Variants in OXA1L observed in about 807,000 individuals in gnomAD.
The protein encoded by OXA1L is OXA1L mitochondrial inner membrane insertase, also known as mitochondrial inner membrane protein OXA1L.
Under a neutral mutation model 52.2 loss-of-function variants are expected in OXA1L, and 42 were observed. The ratio of observed to expected loss-of-function variants is 0.80; its 90% CI spans 0.63 to 1.04. The LOEUF is 1.04. Among genes scored for constraint, OXA1L ranks in the 50% least tolerant of loss-of-function variants. OXA1L has a pLI of 0.00. For synonymous variants in OXA1L, 239 were observed against 201.9 expected, an observed-to-expected ratio of 1.18 and a Z score of -1.56; for missense variants, 572 against 555.0, an observed-to-expected ratio of 1.03 and a Z score of -0.31.
rs577428378 is a variant in OXA1L at position 22,766,783 on chromosome 14, A to G, written c.63+19A>G. The G allele has an allele frequency of 1.2e-6, 2 of 1,613,674 alleles. No homozygotes were observed. The highest frequency in any genetic ancestry group is 8.5e-7 in the Non-Finnish European group (1 of 1,179,958). On this transcript the variant is annotated intron_variant, in intron 1 of 9. Transcript: ENST00000612549. Reference sequence around the variant, plus strand: ...GCGTCGGGTAAGGATGCCCCGGGGCAGAGCACCGGGATGCTGCCCTGACCC... The same window carrying G: ...GCGTCGGGTAAGGATGCCCCGGGGCGGAGCACCGGGATGCTGCCCTGACCC...
intron 1 of OXA1L, 143 bp from the exon 2 acceptor site, chr14:22,767,105 C>A: frequency 6.5e-7 from 1 of 1,534,180 alleles, no homozygotes; most frequent in Non-Finnish European, 8.7e-7. Context: ...GGCTAGCGGT[C>A]TGCGCGCGGT....
chr14:22,771,251 T>C lies in OXA1L; in HGVS notation c.1103-17T>C, dbSNP rs2038458561. The stretch of plus-strand genomic sequence containing the variant: ...AAAATAGGAATGCAACTGACTCTCT[T>C]GCTTCTCTTTACACAGGCTGGAAAA... On this transcript the variant is annotated splice_polypyrimidine_tract_variant and intron_variant, in intron 8 of 9. Transcript: ENST00000612549. 7 of 1,613,562 alleles carry C rather than the reference T, an allele frequency of 4.3e-6. No homozygotes were observed. The South Asian group carries it at 5.5e-5, about 13-fold the overall frequency.
intron 3 of OXA1L, among the ~76,000 whole-genome samples, chr14:22,769,267 A>T (rs1035825846): frequency 2.6e-5 from 4 of 151,814 alleles, no homozygotes; most frequent in African/African-American, 9.7e-5. Flanking sequence ...ATTTGTTTTG[A>T]TTTTTAGATC....
At position 22,771,079 on chromosome 14, in the gene OXA1L, G is replaced by A. The variant is rs761396634; in HGVS notation, c.1001G>A (p.Arg334Gln). Residue 334 changes from arginine to glutamine, a missense_variant, in exon 8 of 10, where the codon CGG becomes CAG. Around this residue, in one of 5 missense-constraint regions of OXA1L, gnomAD observed 244 missense variants for 240.2 expected, o/e 1.02. Transcript: ENST00000612549. ...TCCCTGGTCCAAGTATCCTGTCTCC[G>A]GATTCCAGCAGTACGCACTGTACTT... Reference protein sequence around the residue: ...LFSLVQVSCLRIPAVRTVLKI... With the variant: ...LFSLVQVSCLQIPAVRTVLKI... 36 of 1,614,058 alleles carry A rather than the reference G, an allele frequency of 2.2e-5. No individual in the cohort carries two copies. The highest frequency in any genetic ancestry group is 1.2e-4 in the South Asian group (11 of 91,080).
chr14:22,767,048 C>T (rs574531420), intron 1 of OXA1L, 200 bp from the exon 2 acceptor site: 385 of 1,536,018 alleles, frequency 2.5e-4, no homozygotes, highest in Middle Eastern at 3.3e-4. Flanking sequence ...TGCGGGGAAC[C>T]CAGGTTCGAG....
At position 22,771,503 on chromosome 14, in the gene OXA1L, C is replaced by G; in HGVS notation, c.1253C>G (p.Pro418Arg). 6.5e-7 allele frequency: 1 copy of G among 1,528,138 alleles called. No individual in the cohort carries two copies. The highest frequency in any genetic ancestry group is 9.0e-7 in the Non-Finnish European group (1 of 1,107,152). 94.7% of individuals were successfully genotyped at this position (1,528,138 alleles called of 1,614,324 possible). The part of the protein sequence containing the change: ...QPGKDNPPNI[P>R]SSSSKPKSKY... ...GGAAAGGATAACCCTCCCAATATCC[C>G]TAGCAGCAGCAGCAAACCAAAGTCA... The change falls in exon 10 of 10, where the codon CCT becomes CGT. Residue 418 changes from proline to arginine, a missense_variant. Physicochemically the swap from Pro to Arg is moderately radical, Grantham distance 103. Transcript: ENST00000612549.
chr14:22,767,323 T>A lies in OXA1L; in HGVS notation c.139T>A (p.Cys47Ser). 1.2e-6 allele frequency: 2 copies of A among 1,613,774 alleles called. No homozygotes were observed. The highest frequency in any genetic ancestry group is 1.7e-6 in the Non-Finnish European group (2 of 1,179,856). Residue 47 changes from cysteine to serine, a missense_variant, in exon 2 of 10, where the codon TGC becomes AGC. Around this residue, in one of 5 missense-constraint regions of OXA1L, gnomAD observed 186 missense variants for 151.8 expected, o/e 1.23. Transcript: ENST00000612549. ...TTRLLFPAAP[C>S]CCRPHYLFLA... ...ACGGCTCCTATTCCCAGCAGCCCCG[T>A]GCTGCTGTCGCCCACACTACCTCTT...
rs2038458650 is a variant in OXA1L, at chr14:22,771,255, T to C, written c.1103-13T>C. On this transcript the variant is annotated splice_polypyrimidine_tract_variant and intron_variant, in intron 8 of 9. Coordinates refer to ENST00000612549, the MANE Select transcript of OXA1L (RefSeq NM_005015.5). ...TAGGAATGCAACTGACTCTCTTGCT[T>C]CTCTTTACACAGGCTGGAAAAATGC... 2.5e-6 allele frequency: 4 copies of C among 1,613,788 alleles called. No individual in the cohort carries two copies. The highest frequency in any genetic ancestry group is 3.4e-6 in the Non-Finnish European group (4 of 1,179,706).
rs773058015 is a variant in OXA1L at position 22,771,148 on chromosome 14, C to T, written c.1070C>T (p.Pro357Leu). Residue 357 changes from proline to leucine, a missense_variant, in exon 8 of 10, where the codon CCA becomes CTA. By Grantham distance (98) the Pro-to-Leu change is moderately conservative (BLOSUM62 -3). Around this residue, in one of 5 missense-constraint regions of OXA1L, gnomAD observed 244 missense variants for 240.2 expected, o/e 1.02. Coordinates refer to ENST00000612549, the MANE Select transcript of OXA1L (RefSeq NM_005015.5). Reference protein sequence around the residue: ...RVVHDLDKLPPREGFLESFKK... With the variant: ...RVVHDLDKLPLREGFLESFKK... Reference sequence around the variant, plus strand: ...GTACATGACCTGGACAAATTACCTCCACGGGAAGGCTTCCTAGAGAGCTTC... The same window carrying T: ...GTACATGACCTGGACAAATTACCTCTACGGGAAGGCTTCCTAGAGAGCTTC... The T allele has an allele frequency of 3.7e-6, 6 of 1,614,160 alleles. No individual in the cohort carries two copies. Among genetic ancestry groups the T allele is most frequent in the Non-Finnish European group, 2.5e-6 (3 of 1,180,014 alleles).
chr14:22,770,994 TCC>T, intron 7 of OXA1L, 22 bp from the exon 8 acceptor site: 2 of 1,614,066 alleles, frequency 1.2e-6, no homozygotes, highest in Middle Eastern at 3.3e-4. Flanking sequence ...AGCTTCTGAG[TCC>T]CTTCTCTGTG....
Position 22,772,036 on chromosome 14 carries a change from T to G in OXA1L, c.*478T>G, listed in dbSNP as rs2139377733. Reference sequence around the variant, plus strand: ...TTGCTTGAATCCGAGAGGCGGAGGTTGCAGTGAGCCAAGATCGCACCACCG... The same window carrying G: ...TTGCTTGAATCCGAGAGGCGGAGGTGGCAGTGAGCCAAGATCGCACCACCG... On this transcript the variant is annotated 3_prime_UTR_variant, in exon 10 of 10. Coordinates refer to ENST00000612549, the MANE Select transcript of OXA1L (RefSeq NM_005015.5). 1 of 158,930 alleles carries G rather than the reference T, an allele frequency of 6.3e-6. No homozygotes were observed. Among genetic ancestry groups the G allele is most frequent in the Middle Eastern group, 3.3e-3 (1 of 306 alleles). 9.8% of individuals were successfully genotyped at this position (158,930 alleles called of 1,614,324 possible). A position where few individuals can be genotyped will look rare whatever the true frequency, so the allele number is the denominator to read the frequency against.
rs373267229 is a variant in OXA1L, at chr14:22,771,297, C to T, written c.1132C>T (p.Leu378=). The T allele has an allele frequency of 2.5e-6, 4 of 1,614,072 alleles. No homozygotes were observed. In the African/African-American group the frequency reaches 5.3e-5, roughly 22 times the overall value. Residue 378 remains leucine, a synonymous_variant, in exon 9 of 10, where the codon CTG becomes TTG. Transcript: ENST00000612549. ...GAAAAATGCTGAAATGACGCGTCAG[C>T]TGCGAGAGCGTGAACAACGCATGCG... ...GWKNAEMTRQ[L]REREQRMRNQ...
Position 22,771,618 on chromosome 14 carries a change from C to CA in OXA1L, c.*62dup. 1 of 1,559,158 alleles carries CA rather than the reference C, an allele frequency of 6.4e-7. No homozygotes were observed. Among genetic ancestry groups the CA allele is most frequent in the South Asian group, 1.1e-5 (1 of 89,476 alleles). On this transcript the variant is annotated 3_prime_UTR_variant, in exon 10 of 10. Coordinates refer to ENST00000612549, the MANE Select transcript of OXA1L (RefSeq NM_005015.5). ...TCTCTTCAGAGACTCATCCTCAAAA[C>CA]AAGACTTGACACTGTGTCCTTGCCC... is the stretch of plus-strand genomic sequence containing the variant.
chr14:22,768,065 C>T lies in OXA1L; in HGVS notation c.333C>T (p.Phe111=), dbSNP rs759192930. ...DVVQTAAEQS[F]AELGLGSYTP... ...TCCAAACTGCTGCAGAGCAGAGCTTCGCTGAACTGGGGCTGGGGTCATACA... is the reference window on the plus strand; with the variant it reads ...TCCAAACTGCTGCAGAGCAGAGCTTTGCTGAACTGGGGCTGGGGTCATACA... The change falls in exon 3 of 10, where the codon TTC becomes TTT. Residue 111 remains phenylalanine (F), a synonymous_variant. Transcript: ENST00000612549. 36 of 1,614,006 alleles carry T rather than the reference C, an allele frequency of 2.2e-5. 1 individual carries two copies. Among genetic ancestry groups the T allele is most frequent in the Admixed American group, 5.0e-5 (3 of 60,004 alleles).
In OXA1L at chr14:22,771,022, T is replaced by C. The variant is rs1234563838; in HGVS notation, c.944T>C (p.Val315Ala). 1.2e-6 allele frequency: 2 copies of C among 1,614,218 alleles called. No homozygotes were observed. The highest frequency in any genetic ancestry group is 3.3e-5 in the Admixed American group (2 of 60,030). ...LPITMHFPTA[V>A]FMYWLSSNLF... The stretch of plus-strand genomic sequence containing the variant: ...CTTCTCTGTGTTCTCACCCAGGCAG[T>C]GTTTATGTACTGGCTCTCCTCCAAT... Residue 315 changes from valine to alanine, a missense_variant, in exon 8 of 10, where the codon GTG (valine) becomes GCG (alanine). This residue lies in a region of OXA1L where 244 missense variants were observed against 240.2 expected (regional missense o/e 1.02). Coordinates refer to ENST00000612549, the MANE Select transcript of OXA1L (RefSeq NM_005015.5).
Position 22,768,143 on chromosome 14 carries a change from C to T in OXA1L, c.411C>T (p.Gly137=). ...TGGAATTTATGCATGTTGATCTGGGCCTACCTTGGTGGGGGGCCATTGCTG... is the reference window on the plus strand; with the variant it reads ...TGGAATTTATGCATGTTGATCTGGGTCTACCTTGGTGGGGGGCCATTGCTG... The part of the protein sequence containing the change: ...NLLEFMHVDL[G]LPWWGAIAAC... The change falls in exon 3 of 10, where the codon GGC becomes GGT. Residue 137 remains glycine (G), a synonymous_variant. Coordinates refer to ENST00000612549, the MANE Select transcript of OXA1L (RefSeq NM_005015.5). 1.9e-6 allele frequency: 3 copies of T among 1,614,070 alleles called. No individual in the cohort carries two copies. The highest frequency in any genetic ancestry group is 2.5e-6 in the Non-Finnish European group (3 of 1,179,936).
chr14:22,767,906 T>G, intron 2 of OXA1L, 52 bp from the exon 3 acceptor site: 1 of 1,404,132 alleles, frequency 7.1e-7, no homozygotes. Context: ...AGATCTCACT[T>G]GCTTTGTGTT....
intron 3 of OXA1L, among the ~76,000 whole-genome samples, chr14:22,769,429 T>C (rs1413328661): frequency 6.6e-6 from 1 of 152,232 alleles, no homozygotes; most frequent in Non-Finnish European, 1.5e-5. Flanking sequence ...CTGCATCCAA[T>C]TAGCCTACTT....
intron 2 of OXA1L, 122 bp from the exon 3 acceptor site, chr14:22,767,836 A>AGGCT: frequency 1.4e-6 from 1 of 716,906 alleles, no homozygotes. Flanking sequence ...TGCAGACACT[A>AGGCT]GGCTAACCTG....
Sources: gnomAD v4.1 joint callset for allele counts (sites outside exome capture counted in the v4.1 genomes callset) on GRCh38, gnomAD v4.1.1 for gene constraint, gnomAD v4.1.1 regional missense constraint, MANE v1.5 for transcripts, NCBI Gene and HGNC (gene_info 2026-07-23, HGNC 2026-07-21) for gene names.